Variants in TPM3 observed in about 807,000 individuals in gnomAD.
TPM3 encodes tropomyosin 3.
A neutral mutation model predicts 43.1 loss-of-function variants in TPM3; 16 were observed. The observed-to-expected ratio is 0.37, with a 90% CI of 0.25 to 0.56. TPM3 has a LOEUF of 0.56. TPM3 is among the 20% of genes least tolerant of loss of function. TPM3 has a pLI of 0.77. For missense variants in TPM3, 176 were observed against 337.2 expected (o/e 0.52, Z 3.74); for synonymous variants, 101 against 116.9 (o/e 0.86, Z 0.88).
downstream of TPM3, chr1:154,156,969 C>T: frequency 5.0e-6 from 1 of 198,056 alleles, no homozygotes; most frequent in East Asian, 7.9e-5. Flanking sequence ...GAGGTCTTAC[C>T]ATCTTAATTT....
chr1:154,188,562 C>T lies in TPM3; in HGVS notation c.243+2624G>A, dbSNP rs529403962. 2.7e-5 allele frequency among the ~76,000 whole-genome samples: 4 copies of T among 150,528 alleles called. No individual in the cohort carries two copies. The South Asian group carries it at 8.3e-4, about 31-fold the overall frequency. ...CGGTGGCGGGCACCTGTAGTCCCAG[C>T]TACTCAGGAGGCTGAGGCAGGAGAA... On this transcript the variant is annotated intron_variant, in intron 2 of 9. Coordinates refer to ENST00000651641, the MANE Select transcript of TPM3 (RefSeq NM_152263.4).
intron 3 of TPM3, among the ~76,000 whole-genome samples, chr1:154,175,497 C>A (rs920837877): frequency 3.9e-5 from 6 of 152,034 alleles, no homozygotes; most frequent in African/African-American, 1.4e-4. Flanking sequence ...ATAATGCAAC[C>A]AGCGTTGAGA....
At chr1:154,181,558 C>G (rs752419141) in intron 2 of TPM3, among the ~76,000 whole-genome samples, 8 of 152,180 alleles carry the variant, frequency 5.3e-5, no homozygotes, top group Non-Finnish European at 5.9e-5. Context: ...GCACCCTAGA[C>G]CTTGGAAAAT....
chr1:154,182,217 T>C (rs1303902666), intron 2 of TPM3, among the ~76,000 whole-genome samples: 1 of 152,178 alleles, frequency 6.6e-6, no homozygotes, highest in Non-Finnish European at 1.5e-5. Context: ...TTCCAGGTCA[T>C]TGTGGGTAGG....
downstream of TPM3, chr1:154,159,119 G>A: frequency 1.3e-6 from 1 of 767,620 alleles, no homozygotes; most frequent in Non-Finnish European, 2.4e-6. Flanking sequence ...AGAGAAAAAG[G>A]GAAAGTTAGT....
At chr1:154,184,703 C>T (rs1419836729) in intron 2 of TPM3, among the ~76,000 whole-genome samples, 1 of 151,730 alleles carries the variant, frequency 6.6e-6, no homozygotes, top group East Asian at 2.0e-4. Context: ...CACTTCAGCC[C>T]AGAGTTTGAG....
intron 2 of TPM3, among the ~76,000 whole-genome samples, chr1:154,182,144 C>T (rs1286861626): frequency 6.6e-6 from 1 of 152,206 alleles, no homozygotes; most frequent in East Asian, 1.9e-4. Flanking sequence ...TGTTCTTAAC[C>T]AGTTCGGCTT....
intron 2 of TPM3, chr1:154,182,919 G>T (rs1337719531): frequency 1.2e-6 from 2 of 1,605,176 alleles, no homozygotes; most frequent in Admixed American, 1.7e-5. Context: ...CACGGCAAAA[G>T]GGACCTTATT....
chr1:154,169,455 G>C, intron 8 of TPM3, 72 bp from the exon 9 acceptor site: 2 of 1,490,368 alleles, frequency 1.3e-6, no homozygotes, highest in South Asian at 1.1e-5. Flanking sequence ...GATGAAGAGA[G>C]GGAATCATTA....
rs68185418 is a variant in TPM3, at chr1:154,165,789, C to CAAAAAAAAAAAAAAA, written c.*2133_*2147dup. 1.2e-5 allele frequency among the ~76,000 whole-genome samples: 1 copy of CAAAAAAAAAAAAAAA among 82,224 alleles called. No homozygotes were observed. The highest frequency in any genetic ancestry group is 2.7e-5 in the Non-Finnish European group (1 of 37,532). 53.9% of individuals were successfully genotyped at this position (82,224 alleles called of 152,430 possible). A position where few individuals can be genotyped will look rare whatever the true frequency, so the allele number is the denominator to read the frequency against. On this transcript the variant is annotated 3_prime_UTR_variant, in exon 10 of 10. Coordinates refer to ENST00000651641, the MANE Select transcript of TPM3 (RefSeq NM_152263.4). Reference sequence around the variant, plus strand: ...AGGTGACAAGAGTCAAACTCCGTCTCAAAAAAAAAAAAAAAAAGAAAAAAA... The same window carrying CAAAAAAAAAAAAAAA: ...AGGTGACAAGAGTCAAACTCCGTCTCAAAAAAAAAAAAAAAAAAAAAAAAAAAAAAAAGAAAAAAA...
Position 154,164,438 on chromosome 1 carries a change from G to A in TPM3, c.*3499C>T, listed in dbSNP as rs1207466855. ...GCCTCCTAAAGTGCAGGGATTACAG[G>A]CATGAGCCACTGCACCCGGCTAATT... On this transcript the variant is annotated 3_prime_UTR_variant, in exon 10 of 10. Transcript: ENST00000651641. 6.6e-6 allele frequency among the ~76,000 whole-genome samples: 1 copy of A among 152,114 alleles called. No homozygotes were observed. Among genetic ancestry groups the A allele is most frequent in the Non-Finnish European group, 1.5e-5 (1 of 68,018 alleles).
At chr1:154,191,101 C>G in intron 2 of TPM3, 85 bp downstream of exon 2, 8 of 1,606,170 alleles carry the variant, frequency 5.0e-6, no homozygotes, top group Non-Finnish European at 6.8e-6. Flanking sequence ...CATGAACCCA[C>G]AAGTGTGTTT....
chr1:154,191,058 C>CA, intron 2 of TPM3, 128 bp downstream of exon 2: 2 of 1,460,460 alleles, frequency 1.4e-6, no homozygotes, highest in Non-Finnish European at 1.9e-6. Flanking sequence ...TGGTTATATG[C>CA]AAAAATGTAT....
rs1661314424 is a variant in TPM3 at position 154,169,247 on chromosome 1, G to A, written c.854+58C>T. On this transcript the variant is annotated intron_variant, in intron 9 of 9. Coordinates refer to ENST00000651641, the MANE Select transcript of TPM3 (RefSeq NM_152263.4). Reference sequence around the variant, plus strand: ...CAAAGCACACCACTATGCATAGCTTGTACCCCCATCCACCCACAAGCCAAG... The same window carrying A: ...CAAAGCACACCACTATGCATAGCTTATACCCCCATCCACCCACAAGCCAAG... 4 of 1,535,136 alleles carry A rather than the reference G, an allele frequency of 2.6e-6. No individual in the cohort carries two copies. In the Middle Eastern group the frequency reaches 6.7e-4, roughly 259 times the overall value.
At position 154,165,149 on chromosome 1, in the gene TPM3, A is replaced by G. The variant is rs1457847443; in HGVS notation, c.*2788T>C. Among the ~76,000 whole-genome samples the G allele has an allele frequency of 6.6e-6, 1 of 152,170 alleles. No individual in the cohort carries two copies. The highest frequency in any genetic ancestry group is 1.5e-5 in the Non-Finnish European group (1 of 68,030). On this transcript the variant is annotated 3_prime_UTR_variant, in exon 10 of 10. Coordinates refer to ENST00000651641, the MANE Select transcript of TPM3 (RefSeq NM_152263.4). ...GTAATCCCAACACTTTGGGAGGCAGAGGCGGGTGGATCACTTGAGGTCAGG... is the reference window on the plus strand; with the variant it reads ...GTAATCCCAACACTTTGGGAGGCAGGGGCGGGTGGATCACTTGAGGTCAGG...
chr1:154,158,548 T>A, downstream of TPM3: 4 of 345,992 alleles, frequency 1.2e-5, no homozygotes, highest in South Asian at 1.5e-4. Context: ...TTCACTTCCC[T>A]TTTTTCCACC....
rs999316772 is a variant in TPM3 at position 154,175,456 on chromosome 1, AT to A, written c.377+658del. On this transcript the variant is annotated intron_variant, in intron 3 of 9. Transcript: ENST00000651641. ...GCATCCAGTTTTAAATTCCCCAGTG[AT>A]TTCCCCCCTCACCCCTACCTATGAT... is the stretch of plus-strand genomic sequence containing the variant. Among the ~76,000 whole-genome samples, 6 of 151,952 alleles carry A rather than the reference AT, an allele frequency of 3.9e-5. 1 individual carries two copies.
chr1:154,159,991 CTTTTT>C (rs60242183), downstream of TPM3, among the ~76,000 whole-genome samples: 6 of 129,866 alleles, frequency 4.6e-5, no homozygotes, highest in East Asian at 6.6e-4. Flanking sequence ...AAGTTATTTC[CTTTTT>C]TTTTTTTTTT....
chr1:154,168,699 A>AT (rs1416014542), intron 9 of TPM3, among the ~76,000 whole-genome samples: 1 of 151,948 alleles, frequency 6.6e-6, no homozygotes, highest in East Asian at 1.9e-4. Flanking sequence ...TTTTTTAAAT[A>AT]TTTTTTAGTA....
Sources: gnomAD v4.1 joint callset for allele counts (sites outside exome capture counted in the v4.1 genomes callset) on GRCh38, gnomAD v4.1.1 for gene constraint, MANE v1.5 for transcripts, NCBI Gene and HGNC (gene_info 2026-07-23, HGNC 2026-07-21) for gene names.